KCNMB2: variants seen among roughly 807,000 people sequenced by gnomAD.
KCNMB2 encodes the protein calcium-activated potassium channel subunit beta-2.
KCNMB2 carries 9 observed loss-of-function variants against 24.5 expected under a neutral mutation model. That is an observed-to-expected ratio of 0.37 (90% CI 0.22 to 0.64). KCNMB2 has a LOEUF of 0.64. Among genes scored for constraint, KCNMB2 ranks in the 30% least tolerant of loss-of-function variants. KCNMB2 has a pLI of 0.63. For missense variants in KCNMB2, 226 were observed against 284.3 expected (o/e 0.79, Z 1.47); for synonymous variants, 109 against 104.4 (o/e 1.04, Z -0.27).
chr3:178,672,601 C>G (rs565197899), intron 1 of KCNMB2, among the ~76,000 whole-genome samples: 1 of 152,228 alleles, frequency 6.6e-6, no homozygotes, highest in Admixed American at 6.5e-5. Flanking sequence ...CGGAGAGGCA[C>G]CGAACATTCA....
intron 1 of KCNMB2, among the ~76,000 whole-genome samples, chr3:178,621,537 T>G (rs1284368611): frequency 1.3e-5 from 2 of 152,166 alleles, no homozygotes; most frequent in Non-Finnish European, 2.9e-5. Context: ...CTTAAATATT[T>G]TTCCAGGACA....
At chr3:178,579,572 A>C (rs1260945979) in intron 1 of KCNMB2, among the ~76,000 whole-genome samples, 2 of 152,218 alleles carry the variant, frequency 1.3e-5, no homozygotes, top group Non-Finnish European at 2.9e-5. Context: ...AAAATCAAAG[A>C]ATCCATGAGC....
intron 1 of KCNMB2, among the ~76,000 whole-genome samples, chr3:178,593,082 A>T (rs1717736336): frequency 6.6e-6 from 1 of 151,984 alleles, no homozygotes; most frequent in Non-Finnish European, 1.5e-5. Context: ...GATAATCTCT[A>T]TGGGTCCTGC....
chr3:178,699,844 C>G (rs1722021629), intron 1 of KCNMB2, among the ~76,000 whole-genome samples: 1 of 152,248 alleles, frequency 6.6e-6, no homozygotes, highest in Non-Finnish European at 1.5e-5. Flanking sequence ...CTCTAGGCAG[C>G]TCTTGCTGCT....
At chr3:178,741,581 A>G (rs767072545) in intron 1 of KCNMB2, among the ~76,000 whole-genome samples, 2 of 152,074 alleles carry the variant, frequency 1.3e-5, no homozygotes, top group Non-Finnish European at 2.9e-5. Context: ...TCCTCTCCCC[A>G]CAATCCTTTT....
intron 1 of KCNMB2, among the ~76,000 whole-genome samples, chr3:178,685,131 G>A (rs796417000): frequency 7.2e-5 from 11 of 152,326 alleles, no homozygotes; most frequent in African/African-American, 2.6e-4. Context: ...AAACTGAGAA[G>A]AGAGATCTAT....
intron 1 of KCNMB2, among the ~76,000 whole-genome samples, chr3:178,584,747 T>A (rs1717362353): frequency 6.6e-6 from 1 of 152,068 alleles, no homozygotes; most frequent in Non-Finnish European, 1.5e-5. Context: ...TTCATCCCTA[T>A]TTCTTTATTT....
In KCNMB2 at chr3:178,586,116, G is replaced by A. The variant is rs192390945; in HGVS notation, c.-68+49405G>A. Among the ~76,000 whole-genome samples the A allele has an allele frequency of 4.3e-3, 659 of 152,282 alleles. 5 individuals are homozygous for A. Among genetic ancestry groups the A allele is most frequent in the Middle Eastern group, 6.8e-3 (2 of 294 alleles). ...CTTGCTCTTTGCCTCGTTTACATAG[G>A]CTGGGGCAACTGGGATAAGCCCATG... On this transcript the variant is annotated intron_variant, in intron 1 of 4. Coordinates refer to ENST00000452583, the MANE Select transcript of KCNMB2 (RefSeq NM_181361.3).
intron 1 of KCNMB2, among the ~76,000 whole-genome samples, chr3:178,627,205 C>A (rs1357144590): frequency 6.6e-6 from 1 of 152,030 alleles, no homozygotes; most frequent in Non-Finnish European, 1.5e-5. Flanking sequence ...AGTTGAAATT[C>A]TTTAATTTCA....
At chr3:178,610,600 C>A (rs1718447143) in intron 1 of KCNMB2, among the ~76,000 whole-genome samples, 1 of 152,196 alleles carries the variant, frequency 6.6e-6, no homozygotes, top group Non-Finnish European at 1.5e-5. Flanking sequence ...TATGTTGACT[C>A]TGTATCCTGC....
intron 1 of KCNMB2, among the ~76,000 whole-genome samples, chr3:178,756,241 T>C (rs1724034134): frequency 6.6e-6 from 1 of 152,014 alleles, no homozygotes; most frequent in South Asian, 2.1e-4. Context: ...TGTGGGTGTG[T>C]GTGTGTGTGT....
intron 1 of KCNMB2, among the ~76,000 whole-genome samples, chr3:178,642,783 AGTT>A (rs1455485461): frequency 6.6e-6 from 1 of 152,244 alleles, no homozygotes; most frequent in African/African-American, 2.4e-5. Context: ...ATGCAAATGC[AGTT>A]GTTGTATCAT....
chr3:178,728,279 A>C lies in KCNMB2; in HGVS notation c.-67-79064A>C, dbSNP rs141162577. ...CCAGACATGGACCCTAACAGTATTCACATCTTTAGATCTAGCAGTCAGAGA... is the reference window on the plus strand; with the variant it reads ...CCAGACATGGACCCTAACAGTATTCCCATCTTTAGATCTAGCAGTCAGAGA... On this transcript the variant is annotated intron_variant, in intron 1 of 4. Transcript: ENST00000452583. Among the ~76,000 whole-genome samples the C allele has an allele frequency of 5.9e-5, 9 of 152,290 alleles. No individual in the cohort carries two copies. In the East Asian group the frequency reaches 1.7e-3, roughly 29 times the overall value.
At chr3:178,752,792 C>A (rs987905239) in intron 1 of KCNMB2, among the ~76,000 whole-genome samples, 1 of 152,012 alleles carries the variant, frequency 6.6e-6, no homozygotes, top group African/African-American at 2.4e-5. Context: ...AAAGATGACA[C>A]GATATTGTCT....
At chr3:178,634,460 G>C (rs1387944083) in intron 1 of KCNMB2, among the ~76,000 whole-genome samples, 1 of 152,074 alleles carries the variant, frequency 6.6e-6, no homozygotes, top group Non-Finnish European at 1.5e-5. Flanking sequence ...TGGCAGCAAG[G>C]AGAAGAGCCA....
chr3:178,669,846 CAGAAG>C (rs1720840656), intron 1 of KCNMB2, among the ~76,000 whole-genome samples: 1 of 151,852 alleles, frequency 6.6e-6, no homozygotes, highest in African/African-American at 2.4e-5. Flanking sequence ...TTAGTAGGTA[CAGAAG>C]CAGAGGGATC....
intron 1 of KCNMB2, among the ~76,000 whole-genome samples, chr3:178,668,328 TAAA>T (rs962186765): frequency 8.5e-5 from 13 of 152,062 alleles, no homozygotes; most frequent in Admixed American, 2.0e-4. Flanking sequence ...TCAGAGAAGA[TAAA>T]GAAGTTTGCT....
chr3:178,568,758 TGATAGATAGATAGATGATAGATA>T (rs1560112059), intron 1 of KCNMB2, among the ~76,000 whole-genome samples: 2,041 of 146,918 alleles, frequency 0.014, 94 homozygotes, highest in African/African-American at 0.05. Context: ...GATAGATAGA[TGATAGATAGATAGATGATAGATA>T]GATAGATAGA....
At chr3:178,655,581 G>C (rs971191413) in intron 1 of KCNMB2, among the ~76,000 whole-genome samples, 3 of 152,138 alleles carry the variant, frequency 2.0e-5, no homozygotes, top group African/African-American at 7.2e-5. Context: ...CTTTTCTAAA[G>C]AATATTCTCC....
Sources: gnomAD v4.1 joint callset for allele counts (sites outside exome capture counted in the v4.1 genomes callset) on GRCh38, gnomAD v4.1.1 for gene constraint, MANE v1.5 for transcripts, NCBI Gene and HGNC (gene_info 2026-07-23, HGNC 2026-07-21) for gene names.